The following SLC18A2 variants were observed in gnomAD, a reference collection of about 807,000 sequenced individuals.
SLC18A2 encodes the protein synaptic vesicular amine transporter.
A neutral mutation model predicts 59.2 loss-of-function variants in SLC18A2; 33 were observed. The ratio of observed to expected loss-of-function variants is 0.56; its 90% CI spans 0.42 to 0.75. The LOEUF is 0.75. Ranked by LOEUF, SLC18A2 falls within the 30% of genes least tolerant of loss-of-function variation. SLC18A2 has a pLI of 0.00. For synonymous variants in SLC18A2, 228 were observed against 253.5 expected, an observed-to-expected ratio of 0.90 and a Z score of 0.95; for missense variants, 569 against 668.6, an observed-to-expected ratio of 0.85 and a Z score of 1.64.
rs1844528731 is a variant in SLC18A2 at position 117,278,288 on chromosome 10, C to A, written c.*1022C>A. ...ATTTTTTAGACTCCTGAAAGTTGTT[C>A]ACATCAATGTGAAGACAAATTTTAA... is the stretch of plus-strand genomic sequence containing the variant. On this transcript the variant is annotated 3_prime_UTR_variant, in exon 16 of 16. Coordinates refer to ENST00000644641, the MANE Select transcript of SLC18A2 (RefSeq NM_003054.6). The A allele has an allele frequency of 1.3e-5, 2 of 152,084 alleles. No individual in the cohort carries two copies. The highest frequency in any genetic ancestry group is 4.8e-5 in the African/African-American group (2 of 41,408). 9.4% of individuals were successfully genotyped at this position (152,084 alleles called of 1,614,324 possible). A position where few individuals can be genotyped will look rare whatever the true frequency, so the allele number is the denominator to read the frequency against.
At chr10:117,250,309 C>T (rs756306747) in intron 3 of SLC18A2, among the ~76,000 whole-genome samples, 6 of 152,146 alleles carry the variant, frequency 3.9e-5, no homozygotes, top group African/African-American at 9.7e-5. Context: ...CAACATGAGC[C>T]TGGTTGTATC....
chr10:117,252,557 GC>G (rs1359086707), intron 3 of SLC18A2, among the ~76,000 whole-genome samples: 2 of 152,168 alleles, frequency 1.3e-5, no homozygotes, highest in Non-Finnish European at 2.9e-5. Context: ...CACCCACAGA[GC>G]AGGGACCCAG....
chr10:117,243,463 A>G (rs1290693529), intron 2 of SLC18A2, among the ~76,000 whole-genome samples: 2 of 152,350 alleles, frequency 1.3e-5, no homozygotes, highest in African/African-American at 4.8e-5. Flanking sequence ...TAGTGAGCTA[A>G]GTAAAGTGAA....
chr10:117,271,238 G>T (rs1056346869), intron 15 of SLC18A2, among the ~76,000 whole-genome samples: 3 of 152,164 alleles, frequency 2.0e-5, no homozygotes, highest in Admixed American at 2.0e-4. Context: ...AGAGTGTCTT[G>T]GATTAAGGAT....
At chr10:117,276,561 T>G (rs982282954) in intron 15 of SLC18A2, among the ~76,000 whole-genome samples, 3 of 118,884 alleles carry the variant, frequency 2.5e-5, no homozygotes, top group Non-Finnish European at 4.8e-5. Context: ...TTGCAGTGAG[T>G]CAAGATCACA....
chr10:117,257,062 G>A (rs1461680945), intron 9 of SLC18A2, among the ~76,000 whole-genome samples: 6 of 152,188 alleles, frequency 3.9e-5, no homozygotes, highest in Admixed American at 6.5e-5. Flanking sequence ...GTGTCATGTC[G>A]AATGAACAGA....
chr10:117,275,279 C>T (rs1207479854), intron 15 of SLC18A2, among the ~76,000 whole-genome samples: 2 of 151,768 alleles, frequency 1.3e-5, no homozygotes, highest in Admixed American at 1.3e-4. Flanking sequence ...TCAAGGAAGT[C>T]CTTATCTTCA....
chr10:117,262,318 A>G (rs1178514558), intron 10 of SLC18A2, among the ~76,000 whole-genome samples: 4 of 152,250 alleles, frequency 2.6e-5, no homozygotes, highest in African/African-American at 7.2e-5. Flanking sequence ...TTAAACAAGA[A>G]TGTTTCTTAG....
intron 10 of SLC18A2, among the ~76,000 whole-genome samples, chr10:117,258,286 C>A (rs1262368276): frequency 6.6e-6 from 1 of 152,198 alleles, no homozygotes; most frequent in Non-Finnish European, 1.5e-5. Context: ...CTTATTATAA[C>A]AAAATCAAAG....
At chr10:117,266,089 C>CAAAAAA (rs35533634) in intron 10 of SLC18A2, among the ~76,000 whole-genome samples, 4 of 72,132 alleles carry the variant, frequency 5.5e-5, no homozygotes, top group African/African-American at 6.3e-5. Flanking sequence ...GACTCCATCT[C>CAAAAAA]AAAAAAAAAA....
intron 15 of SLC18A2, among the ~76,000 whole-genome samples, chr10:117,271,457 G>T (rs948822351): frequency 8.5e-5 from 13 of 152,232 alleles, no homozygotes; most frequent in African/African-American, 3.1e-4. Flanking sequence ...TGTGCAGCCT[G>T]TGTTTGTCTT....
At chr10:117,254,728 C>T (rs999898796) in intron 6 of SLC18A2, among the ~76,000 whole-genome samples, 1 of 152,128 alleles carries the variant, frequency 6.6e-6, no homozygotes, top group Non-Finnish European at 1.5e-5. Flanking sequence ...CTCCCTGGGC[C>T]CAGATGGAAA....
chr10:117,246,148 G>C (rs1306123125), intron 3 of SLC18A2, among the ~76,000 whole-genome samples: 1 of 152,158 alleles, frequency 6.6e-6, no homozygotes, highest in African/African-American at 2.4e-5. Flanking sequence ...AAATAGCTCA[G>C]GGTTTTGTAT....
chr10:117,252,554 A>G (rs942069459), intron 3 of SLC18A2, among the ~76,000 whole-genome samples: 1 of 152,198 alleles, frequency 6.6e-6, no homozygotes, highest in Non-Finnish European at 1.5e-5. Context: ...CCCCACCCAC[A>G]GAGCAGGGAC....
chr10:117,256,722 A>G (rs916334386), intron 9 of SLC18A2, among the ~76,000 whole-genome samples: 1 of 152,204 alleles, frequency 6.6e-6, no homozygotes, highest in Non-Finnish European at 1.5e-5. Flanking sequence ...CGTCTGCAAG[A>G]TGCAGGGGGC....
intron 3 of SLC18A2, among the ~76,000 whole-genome samples, chr10:117,251,493 C>G (rs1423987930): frequency 6.6e-6 from 1 of 152,134 alleles, no homozygotes; most frequent in Non-Finnish European, 1.5e-5. Context: ...CTGGTTTACC[C>G]AATTTGCTTG....
At chr10:117,260,517 G>C (rs1844283774) in intron 10 of SLC18A2, among the ~76,000 whole-genome samples, 1 of 152,208 alleles carries the variant, frequency 6.6e-6, no homozygotes, top group African/African-American at 2.4e-5. Flanking sequence ...GGCATAGGCT[G>C]TGTGTCTAGA....
intron 3 of SLC18A2, among the ~76,000 whole-genome samples, chr10:117,253,069 G>A (rs919359525): frequency 4.6e-5 from 7 of 152,184 alleles, no homozygotes; most frequent in Non-Finnish European, 8.8e-5. Context: ...GAGAGCTTTA[G>A]CAAAGACTAT....
At chr10:117,255,744 T>C in intron 9 of SLC18A2, 87 bp downstream of exon 9, 2 of 1,201,962 alleles carry the variant, frequency 1.7e-6, no homozygotes, top group South Asian at 2.6e-5. Flanking sequence ...GGGCTGATTT[T>C]CGTTTTGCTG....
Sources: gnomAD v4.1 joint callset for allele counts (sites outside exome capture counted in the v4.1 genomes callset) on GRCh38, gnomAD v4.1.1 for gene constraint, MANE v1.5 for transcripts, NCBI Gene and HGNC (gene_info 2026-07-23, HGNC 2026-07-21) for gene names.